Variants in KCNN1 observed in about 807,000 individuals in gnomAD.
KCNN1 encodes the protein small conductance calcium-activated potassium channel protein 1.
KCNN1 carries 20 observed loss-of-function variants against 44.7 expected under a neutral mutation model. The ratio of observed to expected loss-of-function variants is 0.45; its 90% CI spans 0.32 to 0.65. The LOEUF (loss-of-function observed/expected upper bound fraction) is 0.65. Among genes scored for constraint, KCNN1 ranks in the 30% least tolerant of loss-of-function variants. KCNN1 has a pLI of 0.05. For missense variants in KCNN1, 632 were observed against 785.3 expected, an observed-to-expected ratio of 0.80 and a Z score of 2.33; for synonymous variants, 324 against 341.7, an observed-to-expected ratio of 0.95 and a Z score of 0.57.
chr19:17,960,880 G>A (rs759570416), intron 2 of KCNN1, among the ~76,000 whole-genome samples: 15 of 151,788 alleles, frequency 9.9e-5, no homozygotes, highest in Non-Finnish European at 1.6e-4. Context: ...TATGGGCTTC[G>A]TATTAAAAAA....
intron 2 of KCNN1, 73 bp from the exon 3 acceptor site, chr19:17,975,019 G>C (rs1568451545): frequency 8.5e-7 from 1 of 1,177,954 alleles, no homozygotes; most frequent in Non-Finnish European, 1.3e-6. Flanking sequence ...CCGGGAGCCA[G>C]GGTAAGGGGA....
At chr19:17,977,167 C>T (rs957190190) in intron 3 of KCNN1, among the ~76,000 whole-genome samples, 2 of 152,136 alleles carry the variant, frequency 1.3e-5, no homozygotes, top group African/African-American at 2.4e-5. Context: ...TCTCTCCTAG[C>T]TTTTGGTTGC....
chr19:17,998,197 C>T lies in KCNN1; in HGVS notation c.1423C>T (p.His475Tyr). Residue 475 changes from histidine to tyrosine, a missense_variant, in exon 10 of 10, where the codon CAC becomes TAC. Coordinates refer to ENST00000684775, the MANE Select transcript of KCNN1 (RefSeq NM_001386974.1). This position sits in a 1 kb window ranked among gnomAD's most constrained non-coding sequence, Gnocchi z 5.4. ...YDLVSELHAQHEELEARLATL... is the reference protein window; with the variant it reads ...YDLVSELHAQYEELEARLATL... ...CCTTGTATCGGAGCTGCACGCTCAG[C>T]ACGAGGAGCTGGAGGCCCGCCTGGC... is the stretch of plus-strand genomic sequence containing the variant. 1.3e-6 allele frequency: 2 copies of T among 1,597,428 alleles called. No homozygotes were observed. The highest frequency in any genetic ancestry group is 8.5e-7 in the Non-Finnish European group (1 of 1,173,272).
In KCNN1 at chr19:17,983,368, C is replaced by T. The variant is rs574709779; in HGVS notation, c.917+1241C>T. Among the ~76,000 whole-genome samples, 61 of 152,246 alleles carry T rather than the reference C, an allele frequency of 4.0e-4. No homozygotes were observed. The South Asian group carries it at 9.7e-3, about 24-fold the overall frequency. On this transcript the variant is annotated intron_variant, in intron 4 of 9. Transcript: ENST00000684775. This position sits in a 1 kb window ranked among gnomAD's most constrained non-coding sequence, Gnocchi z 4.5. ...CCTCATCCCTCCACCCAGCCCCCAC[C>T]CCCCATACTCCCACGGGCCCTGCCT...
intron 3 of KCNN1, among the ~76,000 whole-genome samples, chr19:17,976,190 C>T (rs2032198274): frequency 6.6e-6 from 1 of 151,906 alleles, no homozygotes; most frequent in South Asian, 2.1e-4. Context: ...GCACGTAATC[C>T]CAGCTATTTG....
chr19:17,985,463 A>AG lies in KCNN1; in HGVS notation c.1059+13dup. On this transcript the variant is annotated intron_variant, in intron 5 of 9. Coordinates refer to ENST00000684775, the MANE Select transcript of KCNN1 (RefSeq NM_001386974.1). ...GCTCACTGGCATCATGGTAAGGGTG[A>AG]GGGTCCATGTGTATGATCCTGGGAG... is the stretch of plus-strand genomic sequence containing the variant. 1 of 1,570,234 alleles carries AG rather than the reference A, an allele frequency of 6.4e-7. No individual in the cohort carries two copies. Among genetic ancestry groups the AG allele is most frequent in the Non-Finnish European group, 8.7e-7 (1 of 1,152,128 alleles).
chr19:17,996,501 G>A (rs2032997846), intron 9 of KCNN1, among the ~76,000 whole-genome samples: 1 of 152,202 alleles, frequency 6.6e-6, no homozygotes, highest in Non-Finnish European at 1.5e-5. Context: ...AGCTACTTGG[G>A]AGGCTGAGGC....
At chr19:17,961,294 A>C (rs2031671551) in intron 2 of KCNN1, among the ~76,000 whole-genome samples, 1 of 151,812 alleles carries the variant, frequency 6.6e-6, no homozygotes, top group Admixed American at 6.6e-5. Context: ...CCTTGTTTCC[A>C]GGCCAGGCAC....
intron 2 of KCNN1, among the ~76,000 whole-genome samples, chr19:17,957,246 GAAAGGGAAAGGGA>G (rs2031568635): frequency 1.1e-5 from 1 of 94,044 alleles, no homozygotes; most frequent in Non-Finnish European, 2.1e-5. Flanking sequence ...TGGGGAAGGG[GAAAGGGAAAGGGA>G]AAGGGGAAAG....
upstream of KCNN1, among the ~76,000 whole-genome samples, chr19:17,966,669 C>G (rs183553188): frequency 4.4e-3 from 666 of 152,284 alleles, 7 homozygotes; most frequent in African/African-American, 0.015. Context: ...CCCCAACTTG[C>G]AATCACCCTA....
chr19:17,973,705 C>T (rs1237658388), intron 1 of KCNN1, 103 bp from the exon 2 acceptor site: 14 of 1,344,376 alleles, frequency 1.0e-5, no homozygotes, highest in African/African-American at 1.5e-5. Flanking sequence ...GCACTCTGGG[C>T]CACTCCCAAA....
chr19:17,985,540 G>A, intron 5 of KCNN1, 87 bp downstream of exon 5: 1 of 1,284,710 alleles, frequency 7.8e-7, no homozygotes, highest in Non-Finnish European at 1.1e-6. Context: ...TGCTGACAGG[G>A]TGCTCATCCC....
chr19:17,956,147 G>A (rs1211885961), intron 2 of KCNN1, among the ~76,000 whole-genome samples: 4 of 151,950 alleles, frequency 2.6e-5, no homozygotes, highest in South Asian at 2.1e-4. Flanking sequence ...CATGTTGGCC[G>A]GGCTGGTCTC....
chr19:17,989,529 G>A (rs1174821395), intron 6 of KCNN1, among the ~76,000 whole-genome samples, 187 bp from the exon 7 acceptor site: 1 of 152,156 alleles, frequency 6.6e-6, no homozygotes, highest in South Asian at 2.1e-4. Context: ...CCCATCATGA[G>A]TGATGTGTGT....
rs1310009505 is a variant in KCNN1, at chr19:17,998,350, G to A, written c.1576G>A (p.Ala526Thr). Reference protein sequence around the residue: ...PRPGPGPQDQAARSSPCRWTP... With the variant: ...PRPGPGPQDQTARSSPCRWTP... ...GCCCGGCCCCGGCCCCCAAGACCAG[G>A]CAGCCCGGAGCTCCCCCTGCCGGTG... Residue 526 changes from alanine (A) to threonine (T), a missense_variant, in exon 10 of 10, where the codon GCA (alanine) becomes ACA (threonine). Coordinates refer to ENST00000684775, the MANE Select transcript of KCNN1 (RefSeq NM_001386974.1). This position sits in a 1 kb window ranked among gnomAD's most constrained non-coding sequence, Gnocchi z 5.4. 1.3e-6 allele frequency: 2 copies of A among 1,514,898 alleles called. No homozygotes were observed. The highest frequency in any genetic ancestry group is 1.2e-5 in the South Asian group (1 of 81,942). 93.8% of individuals were successfully genotyped at this position (1,514,898 alleles called of 1,614,324 possible).
intron 5 of KCNN1, among the ~76,000 whole-genome samples, chr19:17,986,519 G>A (rs1668197712): frequency 6.6e-6 from 1 of 152,266 alleles, no homozygotes; most frequent in Non-Finnish European, 1.5e-5. Context: ...TCTGCCGTGG[G>A]TGCCTGTGAA....
At chr19:17,994,307 C>T (rs1312832184) in intron 9 of KCNN1, among the ~76,000 whole-genome samples, 1 of 151,710 alleles carries the variant, frequency 6.6e-6, no homozygotes, top group African/African-American at 2.4e-5. Context: ...ATTAACCAGG[C>T]ATGGTGGTGA....
chr19:17,960,126 A>G (rs1786593908), intron 2 of KCNN1, among the ~76,000 whole-genome samples: 1 of 151,984 alleles, frequency 6.6e-6, no homozygotes, highest in African/African-American at 2.4e-5. Flanking sequence ...AAAAAGAAAA[A>G]GAAATAGTTC....
chr19:17,994,905 C>G (rs1207657234), intron 9 of KCNN1, among the ~76,000 whole-genome samples: 2 of 152,210 alleles, frequency 1.3e-5, no homozygotes, highest in East Asian at 3.9e-4. Context: ...TGCAATTAAT[C>G]AAGTGCTTGA....
Sources: gnomAD v4.1 joint callset for allele counts (sites outside exome capture counted in the v4.1 genomes callset) on GRCh38, gnomAD v4.1.1 for gene constraint, Gnocchi (gnomAD v3.1) non-coding constraint, MANE v1.5 for transcripts, NCBI Gene and HGNC (gene_info 2026-07-23, HGNC 2026-07-21) for gene names.